Variants in SORCS1 observed in about 807,000 individuals in gnomAD.
The protein encoded by SORCS1 is VPS10 domain-containing receptor SorCS1.
In SORCS1, 60 loss-of-function variants were observed where a neutral mutation model predicts 146.1. The observed-to-expected ratio is 0.41, with a 90% CI of 0.33 to 0.51. The LOEUF (loss-of-function observed/expected upper bound fraction) is 0.51. Ranked by LOEUF, SORCS1 falls within the 20% of genes least tolerant of loss-of-function variation. SORCS1 has a pLI of 0.21. For synonymous variants in SORCS1, 637 were observed against 584.0 expected, an observed-to-expected ratio of 1.09 and a Z score of -1.31; for missense variants, 1,352 against 1,487.6, an observed-to-expected ratio of 0.91 and a Z score of 1.50.
chr10:106,904,183 A>G (rs1362562377), intron 2 of SORCS1, among the ~76,000 whole-genome samples: 1 of 152,224 alleles, frequency 6.6e-6, no homozygotes, highest in African/African-American at 2.4e-5. Context: ...CAGATCTAAT[A>G]TCATTATTTA....
chr10:107,066,505 G>A (rs576741550), intron 1 of SORCS1, among the ~76,000 whole-genome samples: 76 of 152,194 alleles, frequency 5.0e-4, no homozygotes, highest in African/African-American at 1.7e-3. Flanking sequence ...GTGAAAAGCC[G>A]CCATCTGCTA....
At chr10:106,862,562 C>A (rs888999741) in intron 2 of SORCS1, among the ~76,000 whole-genome samples, 1 of 152,048 alleles carries the variant, frequency 6.6e-6, no homozygotes, top group African/African-American at 2.4e-5. Flanking sequence ...CTCCATTTCA[C>A]CCCCGACCCA....
At chr10:106,797,129 TA>T (rs1392686434) in intron 3 of SORCS1, among the ~76,000 whole-genome samples, 1 of 151,982 alleles carries the variant, frequency 6.6e-6, no homozygotes, top group East Asian at 1.9e-4. Context: ...ATAATAAAAA[TA>T]AAAGAATGTA....
At chr10:106,957,715 A>G (rs1275811966) in intron 1 of SORCS1, among the ~76,000 whole-genome samples, 1 of 152,192 alleles carries the variant, frequency 6.6e-6, no homozygotes, top group Non-Finnish European at 1.5e-5. Context: ...GGTCTCAGGA[A>G]AGAAGCCGTA....
the SORCS1 span, among the ~76,000 whole-genome samples, chr10:107,171,065 C>T: frequency 6.6e-6 from 1 of 152,194 alleles, no homozygotes; most frequent in East Asian, 1.9e-4. Context: ...ACAGAGTGAA[C>T]ACTCAATACA....
At chr10:107,117,376 A>T (rs1394443037) in intron 1 of SORCS1, among the ~76,000 whole-genome samples, 4 of 152,238 alleles carry the variant, frequency 2.6e-5, no homozygotes, top group African/African-American at 7.2e-5. Flanking sequence ...GGCCATTCAG[A>T]GACCATCAGG....
intron 24 of SORCS1, among the ~76,000 whole-genome samples, chr10:106,589,697 G>C (rs1315815815): frequency 1.8e-5 from 1 of 55,766 alleles, no homozygotes; most frequent in Non-Finnish European, 3.6e-5. Context: ...CTTTGACGAC[G>C]AAAAAAAAAA....
intron 24 of SORCS1, among the ~76,000 whole-genome samples, chr10:106,581,399 A>G (rs546447249): frequency 1.1e-4 from 16 of 152,098 alleles, no homozygotes; most frequent in African/African-American, 3.6e-4. Flanking sequence ...TCAGTAAAAG[A>G]CATATTTCTG....
intron 1 of SORCS1, among the ~76,000 whole-genome samples, chr10:107,075,458 G>A (rs897282381): frequency 6.6e-6 from 1 of 152,078 alleles, no homozygotes. Context: ...TGGAATAAAT[G>A]TTCTAGGCAC....
chr10:106,794,797 C>T (rs543060099), intron 3 of SORCS1, among the ~76,000 whole-genome samples: 38 of 152,254 alleles, frequency 2.5e-4, no homozygotes, highest in African/African-American at 4.3e-4. Context: ...GCCACCACAC[C>T]GGGCCCTCAT....
In SORCS1 at chr10:106,808,791, C is replaced by T. The variant is rs143987846; in HGVS notation, c.726+20783G>A. On this transcript the variant is annotated intron_variant, in intron 3 of 25. Coordinates refer to ENST00000263054, the MANE Select transcript of SORCS1 (RefSeq NM_052918.5). ...TGTTGGGATTACAGGCATGAGTCAC[C>T]GGAAAAGAGTATATGTAAAGCAAAG... Among the ~76,000 whole-genome samples the T allele has an allele frequency of 2.5e-3, 375 of 152,202 alleles. 5 individuals carry two copies. Among genetic ancestry groups the T allele is most frequent in the African/African-American group, 8.6e-3 (356 of 41,530 alleles).
rs146534281 is a variant in SORCS1 at position 106,793,817 on chromosome 10, C to T, written c.727-17125G>A. The stretch of plus-strand genomic sequence containing the variant: ...CCAAAACACACTACTTATAAAGCTA[C>T]TGCTGAGTCTGACAATCAATCCTCT... On this transcript the variant is annotated intron_variant, in intron 3 of 25. Coordinates refer to ENST00000263054, the MANE Select transcript of SORCS1 (RefSeq NM_052918.5). Among the ~76,000 whole-genome samples the T allele has an allele frequency of 3.0e-4, 45 of 152,316 alleles. 1 individual carries two copies. Among genetic ancestry groups the T allele is most frequent in the African/African-American group, 1.1e-3 (45 of 41,564 alleles).
rs774475034 is a variant in SORCS1 at position 106,987,123 on chromosome 10, T to G, written c.559-30543A>C. Among the ~76,000 whole-genome samples, 4 of 152,240 alleles carry G rather than the reference T, an allele frequency of 2.6e-5. No individual in the cohort carries two copies. In the East Asian group the frequency reaches 7.7e-4, roughly 29 times the overall value. On this transcript the variant is annotated intron_variant, in intron 1 of 25. Coordinates refer to ENST00000263054, the MANE Select transcript of SORCS1 (RefSeq NM_052918.5). ...CACTCCTAATAGGCTTTTAAAAAAT[T>G]ACTGGCTGATAACCTGGAACATGCA...
intron 3 of SORCS1, among the ~76,000 whole-genome samples, chr10:106,804,961 G>A (rs1947089705): frequency 6.6e-6 from 1 of 152,032 alleles, no homozygotes; most frequent in Non-Finnish European, 1.5e-5. Flanking sequence ...ACCATTCACT[G>A]ATGCCCTAAG....
chr10:106,856,451 T>A (rs1189217235), intron 2 of SORCS1, among the ~76,000 whole-genome samples: 1 of 152,234 alleles, frequency 6.6e-6, no homozygotes, highest in African/African-American at 2.4e-5. Flanking sequence ...ACATAATAGC[T>A]AGAGGAAGTT....
Position 106,688,232 on chromosome 10 carries a change from G to A in SORCS1, c.1520C>T (p.Pro507Leu), listed in dbSNP as rs1853017359. The A allele has an allele frequency of 1.2e-6, 2 of 1,613,996 alleles. No individual in the cohort carries two copies. Among genetic ancestry groups the A allele is most frequent in the Non-Finnish European group, 1.7e-6 (2 of 1,179,924 alleles). The part of the protein sequence containing the change: ...KGRDWRLLQA[P>L]DTDLRGDPVH... ...GGGGTCCCCCCTTAGATCCGTGTCC[G>A]GCGCCTGCAGCAAACGCCAGTCTCT... Residue 507 changes from proline (P) to leucine (L), a missense_variant, in exon 10 of 26, where the codon CCG becomes CTG. Coordinates refer to ENST00000263054, the MANE Select transcript of SORCS1 (RefSeq NM_052918.5).
chr10:106,850,609 C>T lies in SORCS1; in HGVS notation c.627-20936G>A, dbSNP rs34248041. 6.4e-3 allele frequency among the ~76,000 whole-genome samples: 981 copies of T among 152,280 alleles called. 13 individuals are homozygous for T. The highest frequency in any genetic ancestry group is 0.023 in the African/African-American group (945 of 41,562). On this transcript the variant is annotated intron_variant, in intron 2 of 25. Transcript: ENST00000263054. ...TCCTATTCGGCCATCTTGGCTCCTC[C>T]CTGATGCCTTTCCTTTCTAGGAGAG...
intron 3 of SORCS1, among the ~76,000 whole-genome samples, chr10:106,804,467 C>A: frequency 6.6e-6 from 1 of 151,554 alleles, no homozygotes; most frequent in East Asian, 1.9e-4. Flanking sequence ...GAAGAAACAT[C>A]GCTTAACCAC....
intron 5 of SORCS1, 135 bp from the exon 6 acceptor site, chr10:106,730,249 C>A: frequency 1.4e-6 from 1 of 699,246 alleles, no homozygotes; most frequent in South Asian, 1.9e-5. Context: ...TATATCTACT[C>A]TATGTATTTA....
Sources: gnomAD v4.1 joint callset for allele counts (sites outside exome capture counted in the v4.1 genomes callset) on GRCh38, gnomAD v4.1.1 for gene constraint, MANE v1.5 for transcripts, NCBI Gene and HGNC (gene_info 2026-07-23, HGNC 2026-07-21) for gene names.